UNC13B: variants seen among roughly 807,000 people sequenced by gnomAD.
UNC13B encodes unc-13 homolog B.
A neutral mutation model predicts 211.0 loss-of-function variants in UNC13B; 144 were observed. The ratio of observed to expected loss-of-function variants is 0.68; its 90% CI spans 0.60 to 0.78. The LOEUF is 0.78. UNC13B is among the 30% of genes least tolerant of loss of function. The pLI is 0.00. For synonymous variants in UNC13B, 709 were observed against 725.8 expected (o/e 0.98, Z 0.37); for missense variants, 1,777 against 2,002.0 (o/e 0.89, Z 2.14).
In UNC13B at chr9:35,380,134, G is replaced by A. The variant is rs540288281; in HGVS notation, c.10206-336G>A. On this transcript the variant is annotated intron_variant, in intron 17 of 39. Transcript: ENST00000635942. ...GCTAGCAGTTGCTTCCTGGAGCTCC[G>A]TGGCATGTCTAGCTATTTTCCTCTT... is the stretch of plus-strand genomic sequence containing the variant. Among the ~76,000 whole-genome samples the A allele has an allele frequency of 6.6e-5, 10 of 152,190 alleles. 1 individual carries two copies. The South Asian group carries it at 2.1e-3, about 32-fold the overall frequency.
At chr9:35,226,793 C>T (rs1337233930) in intron 1 of UNC13B, among the ~76,000 whole-genome samples, 4 of 152,224 alleles carry the variant, frequency 2.6e-5, no homozygotes, top group Non-Finnish European at 4.4e-5. Context: ...GTGGGTCTGT[C>T]TCTCCCAGTC....
rs2131218546 is a variant in UNC13B, at chr9:35,162,202, G to A, written c.-82G>A. 1 of 1,535,830 alleles carries A rather than the reference G, an allele frequency of 6.5e-7. No individual in the cohort carries two copies. ...CAGACCCGTGGGGCCGGTAACGAGA[G>A]CAGTCGCGGCACCTGCTGAGAGGAA... On this transcript the variant is annotated 5_prime_UTR_variant, in exon 1 of 40. Coordinates refer to ENST00000635942, the MANE Select transcript of UNC13B (RefSeq NM_001371189.2).
At chr9:35,254,878 A>C (rs1481867607) in intron 6 of UNC13B, among the ~76,000 whole-genome samples, 3 of 128,794 alleles carry the variant, frequency 2.3e-5, no homozygotes, top group Admixed American at 1.9e-4. Context: ...TACATTATTT[A>C]TATATATTAT....
chr9:35,280,374 C>T (rs1828413744), intron 7 of UNC13B, among the ~76,000 whole-genome samples: 1 of 152,182 alleles, frequency 6.6e-6, no homozygotes, highest in South Asian at 2.1e-4. Context: ...CAAGGTATCT[C>T]TTACTGGCTG....
chr9:35,310,302 T>C (rs898401528), intron 9 of UNC13B, among the ~76,000 whole-genome samples, 165 bp from the exon 10 acceptor site: 1 of 152,230 alleles, frequency 6.6e-6, no homozygotes, highest in Admixed American at 6.5e-5. Context: ...TTTCGCTGAA[T>C]AGAGACTAAT....
chr9:35,247,262 G>A lies in UNC13B; in HGVS notation c.468+3898G>A, dbSNP rs1257124547. On this transcript the variant is annotated intron_variant, in intron 6 of 39. Transcript: ENST00000635942. ...CTTAAGGAGATTTTGGGCTGAGACA[G>A]TGGGGTTTTCTAGATATACAATCAT... Among the ~76,000 whole-genome samples, 103 of 152,188 alleles carry A rather than the reference G, an allele frequency of 6.8e-4. 1 individual carries two copies. Among genetic ancestry groups the A allele is most frequent in the Non-Finnish European group, 9.0e-4 (61 of 67,986 alleles).
At position 35,301,715 on chromosome 9, in the gene UNC13B, G is replaced by A. The variant is rs1249388177; in HGVS notation, c.2311G>A (p.Ala771Thr). ...TTTACCAGATCAACAAAAAATATGT[G>A]CCAAAGATACTCCAGGACATCCTTG... ...SLLPDQQKIC[A>T]KDTPGHPCIA... The change falls in exon 9 of 40, where the codon GCC becomes ACC. Residue 771 changes from alanine to threonine, a missense_variant. Transcript: ENST00000635942. The A allele has an allele frequency of 1.3e-5, 5 of 398,676 alleles. No homozygotes were observed. The highest frequency in any genetic ancestry group is 1.8e-5 in the Non-Finnish European group (4 of 225,906). 24.7% of individuals were successfully genotyped at this position (398,676 alleles called of 1,614,324 possible).
At chr9:35,371,282 A>G (rs768848629) in intron 13 of UNC13B, among the ~76,000 whole-genome samples, 2 of 147,108 alleles carry the variant, frequency 1.4e-5, no homozygotes, top group Non-Finnish European at 3.0e-5. Context: ...TCTCTTCATC[A>G]TTTTTCTTCC....
At chr9:35,209,412 C>T (rs1823844657) in intron 1 of UNC13B, among the ~76,000 whole-genome samples, 1 of 151,794 alleles carries the variant, frequency 6.6e-6, no homozygotes, top group African/African-American at 2.4e-5. Flanking sequence ...GAGTCTTGCT[C>T]TGTCACCCAG....
intron 1 of UNC13B, among the ~76,000 whole-genome samples, chr9:35,165,703 C>T (rs974106947): frequency 1.3e-5 from 2 of 152,146 alleles, no homozygotes; most frequent in African/African-American, 4.8e-5. Context: ...AGGCGTGAGC[C>T]ACTGCGCCCG....
At chr9:35,198,061 C>G (rs79310976) in intron 1 of UNC13B, among the ~76,000 whole-genome samples, 1,789 of 152,268 alleles carry the variant, frequency 0.012, 25 homozygotes, top group African/African-American at 0.04. Context: ...TGTTAACACC[C>G]CACTTGGTGT....
At chr9:35,395,574 A>G (rs997476436) in intron 26 of UNC13B, among the ~76,000 whole-genome samples, 19 of 152,178 alleles carry the variant, frequency 1.2e-4, no homozygotes, top group Non-Finnish European at 1.5e-5. Flanking sequence ...GTCCTCTCCC[A>G]CATTTGCTTG....
chr9:35,221,402 G>T (rs141226397), intron 1 of UNC13B, among the ~76,000 whole-genome samples: 175 of 152,236 alleles, frequency 1.1e-3, no homozygotes, highest in African/African-American at 3.7e-3. Flanking sequence ...ATCTATTCAG[G>T]TCTTTTGCCT....
chr9:35,398,734 A>C, intron 32 of UNC13B, 92 bp downstream of exon 32: 1 of 1,560,842 alleles, frequency 6.4e-7, no homozygotes, highest in Non-Finnish European at 8.8e-7. Context: ...ATATAGCTGC[A>C]GGTGTGTGGA....
intron 1 of UNC13B, among the ~76,000 whole-genome samples, chr9:35,168,718 T>TC (rs1345875280): frequency 6.6e-6 from 1 of 151,646 alleles, no homozygotes; most frequent in Non-Finnish European, 1.5e-5. Context: ...TTTTTTTTTT[T>TC]TGATACAGGG....
intron 11 of UNC13B, among the ~76,000 whole-genome samples, chr9:35,314,331 A>C (rs761327006): frequency 1.3e-5 from 2 of 152,190 alleles, no homozygotes; most frequent in Non-Finnish European, 2.9e-5. Flanking sequence ...TCCCTTACCT[A>C]GCCGGTCCAT....
chr9:35,242,173 T>A (rs866959189), intron 5 of UNC13B, among the ~76,000 whole-genome samples: 165 of 152,328 alleles, frequency 1.1e-3, no homozygotes, highest in African/African-American at 3.8e-3. Context: ...CCATTATTTT[T>A]TAAGAATTCA....
In UNC13B at chr9:35,397,688, A is replaced by G; in HGVS notation, c.11730A>G (p.Pro3910=). 6.2e-7 allele frequency: 1 copy of G among 1,614,126 alleles called. No homozygotes were observed. Among genetic ancestry groups the G allele is most frequent in the South Asian group, 1.1e-5 (1 of 91,046 alleles). Residue 3910 remains proline (P), a synonymous_variant, in exon 30 of 40, where the codon CCA becomes CCG. Transcript: ENST00000635942. ...QYADILSKDF[P]AYCTKEKLPC... ...CAGACATCTTGTCAAAGGACTTCCC[A>G]GCCTATTGCACAAAGGAGAAACTGG...
At chr9:35,372,443 A>G (rs1415350479) in intron 13 of UNC13B, among the ~76,000 whole-genome samples, 1 of 152,104 alleles carries the variant, frequency 6.6e-6, no homozygotes, top group Admixed American at 6.5e-5. Flanking sequence ...TGGCAGATAC[A>G]TGGGCCCTGT....
Sources: allele counts gnomAD v4.1 joint callset (sites outside exome capture counted in the v4.1 genomes callset), GRCh38; gene constraint gnomAD v4.1.1; transcripts MANE v1.5; gene names NCBI Gene and HGNC (gene_info 2026-07-23, HGNC 2026-07-21).